Variants in ARMC3 observed in about 807,000 individuals in gnomAD.
ARMC3 encodes the protein armadillo repeat containing 3.
In ARMC3, 74 loss-of-function variants were observed where a neutral mutation model predicts 90.3. The observed-to-expected ratio is 0.82, with a 90% confidence interval of 0.68 to 0.99. The LOEUF (loss-of-function observed/expected upper bound fraction) is 0.99. ARMC3 is among the 50% of genes least tolerant of loss of function. The pLI is 0.00. For missense variants in ARMC3, 958 were observed against 1,042.8 expected, an observed-to-expected ratio of 0.92 and a Z score of 1.12; for synonymous variants, 334 against 361.8, an observed-to-expected ratio of 0.92 and a Z score of 0.87.
intron 8 of ARMC3, among the ~76,000 whole-genome samples, chr10:22,970,725 CTA>C (rs771805007): frequency 7.9e-5 from 12 of 152,096 alleles, no homozygotes; most frequent in Non-Finnish European, 1.8e-4. Flanking sequence ...TTTTGAATGA[CTA>C]TGTTGGTTGA....
At chr10:23,008,195 A>C in intron 14 of ARMC3, 81 bp from the exon 15 acceptor site, 1 of 715,588 alleles carries the variant, frequency 1.4e-6, no homozygotes, top group Non-Finnish European at 2.2e-6. Flanking sequence ...ACTTTCAGAA[A>C]AAAATCTGTT....
intron 13 of ARMC3, 106 bp from the exon 14 acceptor site, chr10:23,006,778 G>T: frequency 1.2e-6 from 1 of 868,784 alleles, no homozygotes; most frequent in Non-Finnish European, 1.9e-6. Context: ...GTTTGTGTGT[G>T]TGAAATGAGA....
At chr10:22,932,135 T>C in intron 2 of ARMC3, 91 bp downstream of exon 2, 2 of 1,055,042 alleles carry the variant, frequency 1.9e-6, no homozygotes, top group South Asian at 1.9e-5. Flanking sequence ...AGTATATACA[T>C]GAATACGCGG....
At chr10:22,997,394 C>T (rs1308059963) in intron 10 of ARMC3, 1 of 152,034 alleles carries the variant, frequency 6.6e-6, no homozygotes, top group African/African-American at 2.4e-5. Flanking sequence ...AAGATTTAGG[C>T]TATCTAATTG....
At chr10:23,017,752 C>T (rs976273484) in intron 16 of ARMC3, among the ~76,000 whole-genome samples, 2 of 152,208 alleles carry the variant, frequency 1.3e-5, no homozygotes, top group Admixed American at 6.5e-5. Context: ...GGCAACAGAG[C>T]GAGACTTCGT....
intron 2 of ARMC3, among the ~76,000 whole-genome samples, chr10:22,945,727 A>ATCTGTCATG (rs1179789052): frequency 1.3e-5 from 2 of 152,214 alleles, no homozygotes; most frequent in African/African-American, 4.8e-5. Flanking sequence ...TTTGATAAAC[A>ATCTGTCATG]TCTGTCATGT....
At chr10:22,963,433 G>T (rs1470858633) in intron 7 of ARMC3, among the ~76,000 whole-genome samples, 3 of 152,026 alleles carry the variant, frequency 2.0e-5, no homozygotes, top group Admixed American at 2.0e-4. Flanking sequence ...AAAATTCAAA[G>T]AACACAAAAA....
chr10:22,943,900 C>T (rs890253646), intron 2 of ARMC3, among the ~76,000 whole-genome samples: 3 of 150,782 alleles, frequency 2.0e-5, no homozygotes, highest in Admixed American at 1.3e-4. Flanking sequence ...CGCCATTGCA[C>T]TCCAGCCTGG....
At chr10:23,030,192 A>T (rs723758) in intron 16 of ARMC3, among the ~76,000 whole-genome samples, 22,435 of 152,132 alleles carry the variant, frequency 0.15, 1,802 homozygotes, top group African/African-American at 0.17. Context: ...AAATTTGAAA[A>T]CTTTACATAT....
At chr10:22,951,030 C>T (rs755969635) in intron 3 of ARMC3, among the ~76,000 whole-genome samples, 20 of 151,880 alleles carry the variant, frequency 1.3e-4, no homozygotes, top group Admixed American at 7.9e-4. Flanking sequence ...CTCCGCCTCC[C>T]GGCTTCACGC....
chr10:22,930,826 A>G (rs994754467), intron 1 of ARMC3, among the ~76,000 whole-genome samples: 3 of 152,204 alleles, frequency 2.0e-5, no homozygotes, highest in Admixed American at 1.3e-4. Context: ...CCTACGATAT[A>G]CCGTTTAAGA....
At chr10:22,946,325 G>A (rs1478271972) in intron 3 of ARMC3, 64 bp downstream of exon 3, 34 of 1,134,190 alleles carry the variant, frequency 3.0e-5, no homozygotes, top group Non-Finnish European at 4.3e-5. Flanking sequence ...ACTACCTCTT[G>A]GGCACTTTTC....
intron 8 of ARMC3, among the ~76,000 whole-genome samples, chr10:22,971,262 A>G (rs1268485748): frequency 3.3e-5 from 5 of 152,066 alleles, no homozygotes; most frequent in Non-Finnish European, 5.9e-5. Context: ...TGTATAGACC[A>G]CATTTTGTTT....
At chr10:23,035,184 T>A (rs996322151) in intron 18 of ARMC3, among the ~76,000 whole-genome samples, 3 of 152,134 alleles carry the variant, frequency 2.0e-5, no homozygotes, top group African/African-American at 7.2e-5. Flanking sequence ...TCCAATTGTA[T>A]CCTCACATGG....
intron 8 of ARMC3, among the ~76,000 whole-genome samples, chr10:22,973,753 CTT>C (rs56405413): frequency 1.3e-5 from 1 of 79,920 alleles, no homozygotes; most frequent in Admixed American, 1.4e-4. Context: ...CTTTGTCTTT[CTT>C]TTTTTTTTTT....
chr10:22,943,534 A>C (rs1166579576), intron 2 of ARMC3, among the ~76,000 whole-genome samples: 4 of 151,986 alleles, frequency 2.6e-5, no homozygotes, highest in Non-Finnish European at 4.4e-5. Flanking sequence ...TAAAACCAAA[A>C]ATTTTCTTTA....
chr10:23,014,022 C>A (rs1368116722), intron 16 of ARMC3: 1 of 1,506,634 alleles, frequency 6.6e-7, no homozygotes, highest in African/African-American at 1.4e-5. Context: ...CCAGGGAGAA[C>A]AAATATAAAC....
At chr10:22,975,572 AC>A (rs1835885379) in intron 8 of ARMC3, among the ~76,000 whole-genome samples, 1 of 152,222 alleles carries the variant, frequency 6.6e-6, no homozygotes, top group Non-Finnish European at 1.5e-5. Flanking sequence ...TCTCAAAAAA[AC>A]AAAAATGAAA....
chr10:23,007,880 G>C (rs990989317), intron 14 of ARMC3, among the ~76,000 whole-genome samples: 27 of 152,258 alleles, frequency 1.8e-4, no homozygotes, highest in African/African-American at 6.5e-4. Flanking sequence ...GATGCAGGAG[G>C]ATCCTTTGAG....
Sources: gnomAD v4.1 joint callset for allele counts (sites outside exome capture counted in the v4.1 genomes callset) on GRCh38, gnomAD v4.1.1 for gene constraint, MANE v1.5 for transcripts, NCBI Gene and HGNC (gene_info 2026-07-23, HGNC 2026-07-21) for gene names.